Variants in EVC2 observed in about 807,000 individuals in gnomAD.
The protein encoded by EVC2 is limbin.
Under a neutral mutation model 149.3 loss-of-function variants are expected in EVC2, and 148 were observed. The observed-to-expected ratio is 0.99, with a 90% CI of 0.87 to 1.14. EVC2 has a LOEUF of 1.14. Ranked by LOEUF, EVC2 falls within the 50% of genes most tolerant of loss-of-function variation. EVC2 has a pLI of 0.00. For synonymous variants in EVC2, 776 were observed against 649.9 expected, an observed-to-expected ratio of 1.19 and a Z score of -2.95; for missense variants, 1,854 against 1,627.3, an observed-to-expected ratio of 1.14 and a Z score of -2.40.
intron 16 of EVC2, among the ~76,000 whole-genome samples, chr4:5,601,634 A>G (rs190728148): frequency 6.6e-6 from 1 of 152,294 alleles, no homozygotes; most frequent in Admixed American, 6.5e-5. Flanking sequence ...AATTTCCCAG[A>G]CTTCTAGATT....
At chr4:5,583,659 T>G (rs1712003853) in intron 17 of EVC2, among the ~76,000 whole-genome samples, 1 of 152,164 alleles carries the variant, frequency 6.6e-6, no homozygotes, top group Admixed American at 6.5e-5. Flanking sequence ...ATTCTCTTAT[T>G]TTAAAAAACT....
intron 16 of EVC2, among the ~76,000 whole-genome samples, chr4:5,591,137 C>T (rs1397552534): frequency 6.6e-6 from 1 of 152,172 alleles, no homozygotes; most frequent in African/African-American, 2.4e-5. Context: ...CTCAATGACA[C>T]TTGTGCATGT....
downstream of EVC2, among the ~76,000 whole-genome samples, chr4:5,560,797 T>C (rs76005929): frequency 0.015 from 2,261 of 152,292 alleles, 49 homozygotes; most frequent in African/African-American, 0.043. The surrounding 1 kb of genome is among the most constrained non-coding windows in gnomAD (Gnocchi z 4.1). Flanking sequence ...GACATTAGGA[T>C]CTTTGTTTTA....
At chr4:5,550,427 C>T (rs529594805) in intron 21 of EVC2, among the ~76,000 whole-genome samples, 1 of 152,094 alleles carries the variant, frequency 6.6e-6, no homozygotes, top group Non-Finnish European at 1.5e-5. Context: ...TGGCATTTTG[C>T]CCCTATCCTA....
intron 16 of EVC2, among the ~76,000 whole-genome samples, chr4:5,600,172 C>T (rs1266287220): frequency 2.6e-5 from 4 of 152,142 alleles, no homozygotes; most frequent in Non-Finnish European, 1.5e-5. Context: ...AGGCAAGTTG[C>T]TTAACCTGTC....
intron 5 of EVC2, among the ~76,000 whole-genome samples, chr4:5,687,229 G>A (rs1313168154): frequency 6.6e-6 from 1 of 151,996 alleles, no homozygotes; most frequent in Non-Finnish European, 1.5e-5. Context: ...TGCACTCTAG[G>A]CTGGGCGACA....
chr4:5,606,553 A>G (rs1440279613), intron 16 of EVC2, among the ~76,000 whole-genome samples: 1 of 152,176 alleles, frequency 6.6e-6, no homozygotes, highest in Non-Finnish European at 1.5e-5. Context: ...CTCTAACCCT[A>G]TTAAAGAGAA....
In EVC2 at chr4:5,613,684, A is replaced by G. The variant is rs1715025641; in HGVS notation, c.2829+1738T>C. ...GATTGCTTGATGGAGTTTGTTTAAT[A>G]CTCAGGTAGTTTAGGAAGCCCAGTG... is the stretch of plus-strand genomic sequence containing the variant. On this transcript the variant is annotated intron_variant, in intron 16 of 21. Transcript: ENST00000344408. This position sits in a 1 kb window ranked among gnomAD's most constrained non-coding sequence, Gnocchi z 4.6. 6.6e-6 allele frequency among the ~76,000 whole-genome samples: 1 copy of G among 151,964 alleles called. No individual in the cohort carries two copies. The highest frequency in any genetic ancestry group is 2.1e-4 in the South Asian group (1 of 4,822).
intron 9 of EVC2, among the ~76,000 whole-genome samples, chr4:5,641,773 AT>A (rs1455147089): frequency 6.6e-6 from 1 of 152,186 alleles, no homozygotes; most frequent in African/African-American, 2.4e-5. Context: ...TAGTTATTTT[AT>A]TATTATTTTT....
chr4:5,594,458 A>C (rs1463813822), intron 16 of EVC2, among the ~76,000 whole-genome samples: 1 of 152,204 alleles, frequency 6.6e-6, no homozygotes, highest in Non-Finnish European at 1.5e-5. Flanking sequence ...TACCCAGGTA[A>C]ACAGCGTCTG....
chr4:5,702,048 TGGAAA>T (rs796346002), intron 1 of EVC2, among the ~76,000 whole-genome samples: 84 of 152,190 alleles, frequency 5.5e-4, no homozygotes, highest in African/African-American at 1.9e-3. Context: ...CGGGGGTGCC[TGGAAA>T]GGAAACATGA....
rs1719208659 is a variant in EVC2, at chr4:5,665,531, A to G, written c.989T>C (p.Met330Thr). The change falls in exon 8 of 22, where the codon ATG becomes ACG. Residue 330 changes from methionine to threonine, a missense_variant. By Grantham distance (81) the Met-to-Thr change is moderately conservative (BLOSUM62 -1). Coordinates refer to ENST00000344408, the MANE Select transcript of EVC2 (RefSeq NM_147127.5). ...AAGACTCACCCGATGTCTGGTGAGC[A>G]TGTTTCCCTTCAGACACTGATAGCG... ...MVRYQCLKGN[M>T]LTRHRVWQYE... is the part of the protein sequence containing the mutation. The G allele has an allele frequency of 2.5e-6, 4 of 1,614,152 alleles. No individual in the cohort carries two copies. The highest frequency in any genetic ancestry group is 3.4e-6 in the Non-Finnish European group (4 of 1,180,026).
chr4:5,542,851 G>C (rs2108755568), exon 23 of EVC2: 1 of 304,688 alleles, frequency 3.3e-6, no homozygotes, highest in Non-Finnish European at 6.5e-6. Flanking sequence ...TGTGCCCACA[G>C]CTGGGCTCAT....
rs769843798 is a variant in EVC2, at chr4:5,691,235, T to C, written c.519+30A>G. 3 of 1,594,132 alleles carry C rather than the reference T, an allele frequency of 1.9e-6. No homozygotes were observed. The Middle Eastern group carries it at 5.0e-4, about 265-fold the overall frequency. On this transcript the variant is annotated intron_variant, in intron 4 of 21. Coordinates refer to ENST00000344408, the MANE Select transcript of EVC2 (RefSeq NM_147127.5). ...CTGGGCAAAATCCAATTATTTTCTC[T>C]TCAAATATACACCACCAGTGGAAAC...
chr4:5,699,657 A>G (rs1292257308), intron 1 of EVC2, among the ~76,000 whole-genome samples: 6 of 150,654 alleles, frequency 4.0e-5, no homozygotes, highest in Admixed American at 4.0e-4. Context: ...AAAAAAAAAA[A>G]AGAAAAAAAG....
intron 7 of EVC2, among the ~76,000 whole-genome samples, chr4:5,666,453 C>G (rs1220746669): frequency 6.6e-6 from 1 of 152,148 alleles, no homozygotes; most frequent in Non-Finnish European, 1.5e-5. Flanking sequence ...CCAAATCAGG[C>G]TACATTTTTA....
rs557695690 is a variant in EVC2 at position 5,655,878 on chromosome 4, C to T, written c.1145+7229G>A. The stretch of plus-strand genomic sequence containing the variant: ...TATTTATGGGCCTCGTAAAACTGAC[C>T]ACCACCCCACAAGGATTTCCAGTGG... On this transcript the variant is annotated intron_variant, in intron 9 of 21. Coordinates refer to ENST00000344408, the MANE Select transcript of EVC2 (RefSeq NM_147127.5). 1.0e-3 allele frequency among the ~76,000 whole-genome samples: 157 copies of T among 152,038 alleles called. 2 individuals carry two copies. Among genetic ancestry groups the T allele is most frequent in the African/African-American group, 3.7e-3 (153 of 41,492 alleles).
In EVC2 at chr4:5,615,417, C is replaced by T. The variant is rs1715170578; in HGVS notation, c.2829+5G>A. On this transcript the variant is annotated splice_donor_5th_base_variant and intron_variant, in intron 16 of 21. Transcript: ENST00000344408. ...GAAACAGCTGGGTGAAGCAGATGTA[C>T]TGACCTTTTCCACCAGGTCTTCAGA... The T allele has an allele frequency of 1.2e-6, 2 of 1,614,106 alleles. No individual in the cohort carries two copies. Among genetic ancestry groups the T allele is most frequent in the Non-Finnish European group, 8.5e-7 (1 of 1,180,038 alleles).
At chr4:5,593,899 C>T (rs1039116819) in intron 16 of EVC2, among the ~76,000 whole-genome samples, 3 of 152,232 alleles carry the variant, frequency 2.0e-5, no homozygotes, top group African/African-American at 4.8e-5. Context: ...GCTTAAAAAA[C>T]GACGCACCAG....
Sources: gnomAD v4.1 joint callset for allele counts (sites outside exome capture counted in the v4.1 genomes callset) on GRCh38, gnomAD v4.1.1 for gene constraint, Gnocchi (gnomAD v3.1) non-coding constraint, MANE v1.5 for transcripts, NCBI Gene and HGNC (gene_info 2026-07-23, HGNC 2026-07-21) for gene names.